The following SLC26A8 variants were observed in gnomAD, a reference collection of about 807,000 sequenced individuals.
SLC26A8 encodes testis anion transporter 1.
In SLC26A8, 70 loss-of-function variants were observed where a neutral mutation model predicts 105.0. The observed-to-expected ratio is 0.67, with a 90% confidence interval of 0.55 to 0.81. The LOEUF is 0.81. Ranked by LOEUF, SLC26A8 falls within the 40% of genes least tolerant of loss-of-function variation. The pLI is 0.00. For missense variants in SLC26A8, 998 were observed against 1,181.8 expected (o/e 0.84, Z 2.28); for synonymous variants, 415 against 438.3 (o/e 0.95, Z 0.66).
intron 17 of SLC26A8, among the ~76,000 whole-genome samples, chr6:35,952,452 T>C (rs1040629022): frequency 3.3e-5 from 5 of 152,142 alleles, no homozygotes; most frequent in Non-Finnish European, 7.3e-5. Context: ...GGGCAATAAA[T>C]CTTGAAGTTC....
chr6:35,968,905 A>G lies in SLC26A8; in HGVS notation c.1337T>C (p.Met446Thr). 6.2e-7 allele frequency: 1 copy of G among 1,611,358 alleles called. No individual in the cohort carries two copies. The highest frequency in any genetic ancestry group is 8.5e-7 in the Non-Finnish European group (1 of 1,179,152). ...TGGCAGTGTGTAGAAAAAGTGTCCC[A>G]TCTTCACCATCAGGAGCAGCATCAC... ...AGVMLLLMVKMGHFFYTLPNA... is the reference protein window; with the variant it reads ...AGVMLLLMVKTGHFFYTLPNA... Residue 446 changes from methionine (M) to threonine (T), a missense_variant, in exon 11 of 20, where the codon ATG (methionine) becomes ACG (threonine). Transcript: ENST00000490799.
chr6:35,996,944 A>G (rs575503991), intron 5 of SLC26A8, among the ~76,000 whole-genome samples: 166 of 152,128 alleles, frequency 1.1e-3, no homozygotes, highest in African/African-American at 3.6e-3. Context: ...CTGAGGCAGG[A>G]GAATCACTTG....
At chr6:35,949,652 G>T (rs1164840855) in intron 19 of SLC26A8, among the ~76,000 whole-genome samples, 2 of 151,902 alleles carry the variant, frequency 1.3e-5, no homozygotes, top group Admixed American at 6.6e-5. Context: ...AATATATCGA[G>T]TATCATAATT....
chr6:35,981,969 A>AG lies in SLC26A8; in HGVS notation c.1025+151dup. On this transcript the variant is annotated intron_variant, in intron 8 of 19. Coordinates refer to ENST00000490799, the MANE Select transcript of SLC26A8 (RefSeq NM_052961.4). This position sits in a 1 kb window ranked among gnomAD's most constrained non-coding sequence, Gnocchi z 4.0. ...AGAGAAGACACAAGGAGTTGTCCCT[A>AG]GCCCTTCTCCTTTCATGAACCTCTG... The AG allele has an allele frequency of 4.2e-6, 3 of 706,586 alleles. No homozygotes were observed. The highest frequency in any genetic ancestry group is 4.8e-6 in the Non-Finnish European group (2 of 416,462). The allele number at this position is 706,586 out of a possible 1,614,324, so 43.8% of individuals were successfully genotyped here.
chr6:36,016,347 G>C (rs1035293206), intron 2 of SLC26A8, among the ~76,000 whole-genome samples: 1 of 152,034 alleles, frequency 6.6e-6, no homozygotes, highest in Non-Finnish European at 1.5e-5. Flanking sequence ...ATAGTATTTG[G>C]GGACATATGT....
At position 35,977,344 on chromosome 6, in the gene SLC26A8, G is replaced by T. The variant is rs1282948053; in HGVS notation, c.1033C>A (p.Leu345Ile). 6.2e-7 allele frequency: 1 copy of T among 1,612,904 alleles called. No homozygotes were observed. The highest frequency in any genetic ancestry group is 8.5e-7 in the Non-Finnish European group (1 of 1,179,636). The change falls in exon 9 of 20, where the codon CTT becomes ATT. Residue 345 changes from leucine (L) to isoleucine (I), a missense_variant. Physicochemically the swap from Leu to Ile is conservative, Grantham distance 5. Transcript: ENST00000490799. ...LIDMIPYSFLLPVTPDFSLLP... is the reference protein window; with the variant it reads ...LIDMIPYSFLIPVTPDFSLLP... Reference sequence around the variant, plus strand: ...AGGCTGAAATCTGGTGTTACAGGAAGCAGAAAGCTGGAATAGAATAGTGGA... The same window carrying T: ...AGGCTGAAATCTGGTGTTACAGGAATCAGAAAGCTGGAATAGAATAGTGGA...
chr6:35,968,357 C>T (rs973210627), intron 11 of SLC26A8, among the ~76,000 whole-genome samples: 2 of 151,164 alleles, frequency 1.3e-5, no homozygotes, highest in Non-Finnish European at 2.9e-5. Flanking sequence ...GTTGGCCAGG[C>T]GGGTCTTGAA....
At chr6:36,018,673 C>T (rs575063975) in intron 2 of SLC26A8, among the ~76,000 whole-genome samples, 37 of 152,224 alleles carry the variant, frequency 2.4e-4, no homozygotes, top group African/African-American at 8.4e-4. Flanking sequence ...ATACATATTT[C>T]ACCACAATAA....
intron 3 of SLC26A8, among the ~76,000 whole-genome samples, chr6:36,008,857 A>C (rs549555292): frequency 6.6e-6 from 1 of 152,356 alleles, no homozygotes; most frequent in South Asian, 2.1e-4. Flanking sequence ...TAAAATAAAA[A>C]ATAGTGACAA....
chr6:35,978,197 T>C (rs1773119542), intron 8 of SLC26A8, among the ~76,000 whole-genome samples: 1 of 138,090 alleles, frequency 7.2e-6, no homozygotes, highest in African/African-American at 2.7e-5. Context: ...TAAACACAAA[T>C]GCAAAAATTC....
intron 3 of SLC26A8, among the ~76,000 whole-genome samples, chr6:36,001,212 T>C (rs549791445): frequency 2.6e-5 from 4 of 152,136 alleles, no homozygotes; most frequent in Middle Eastern, 3.4e-3. Flanking sequence ...CCCCGCGAGC[T>C]CCACCTTCTG....
rs1184419646 is a variant in SLC26A8, at chr6:36,004,074, C to CTT, written c.329-3968_329-3967dup. Among the ~76,000 whole-genome samples, 65 of 114,394 alleles carry CTT rather than the reference C, an allele frequency of 5.7e-4. 1 individual carries two copies. Among genetic ancestry groups the CTT allele is most frequent in the African/African-American group, 9.9e-4 (30 of 30,188 alleles). 75.0% of individuals were successfully genotyped at this position (114,394 alleles called of 152,430 possible). A position where few individuals can be genotyped will look rare whatever the true frequency, so the allele number is the denominator to read the frequency against. On this transcript the variant is annotated intron_variant, in intron 3 of 19. Transcript: ENST00000490799. ...TATACTGAACACAATTTTATTTCTGCTTTTTTTTTTTTTTTTTTTGAGACA... is the reference window on the plus strand; with the variant it reads ...TATACTGAACACAATTTTATTTCTGCTTTTTTTTTTTTTTTTTTTTTGAGACA...
intron 1 of SLC26A8, among the ~76,000 whole-genome samples, chr6:36,023,015 G>T (rs1356282645): frequency 6.6e-6 from 1 of 151,262 alleles, no homozygotes; most frequent in Non-Finnish European, 1.5e-5. Context: ...CAAAGAAGCT[G>T]TCCAGGTGAT....
intron 3 of SLC26A8, among the ~76,000 whole-genome samples, chr6:36,001,398 G>A (rs1167347045): frequency 6.6e-6 from 1 of 152,200 alleles, no homozygotes; most frequent in East Asian, 1.9e-4. Flanking sequence ...AAAGTGCTGG[G>A]ATTACAGGCG....
At chr6:35,963,035 T>A (rs1772377564) in intron 11 of SLC26A8, among the ~76,000 whole-genome samples, 1 of 152,180 alleles carries the variant, frequency 6.6e-6, no homozygotes, top group African/African-American at 2.4e-5. Context: ...CAGGCCAACG[T>A]CAAGGCCTGA....
At chr6:35,975,180 A>C (rs1772955324) in intron 10 of SLC26A8, among the ~76,000 whole-genome samples, 195 bp downstream of exon 10, 1 of 152,214 alleles carries the variant, frequency 6.6e-6, no homozygotes, top group Non-Finnish European at 1.5e-5. Context: ...CACATTGACA[A>C]GTAACTTTTA....
At chr6:35,997,199 C>G (rs1761379579) in intron 5 of SLC26A8, among the ~76,000 whole-genome samples, 1 of 152,108 alleles carries the variant, frequency 6.6e-6, no homozygotes, top group Non-Finnish European at 1.5e-5. Flanking sequence ...AGCAGGCAAG[C>G]AAGCATCACT....
chr6:36,020,902 C>A (rs943820930), intron 1 of SLC26A8, among the ~76,000 whole-genome samples: 2 of 152,124 alleles, frequency 1.3e-5, no homozygotes, highest in African/African-American at 4.8e-5. Context: ...TTTAATGTGT[C>A]AGCAACTTTG....
At chr6:35,976,264 A>G (rs1773018773) in intron 9 of SLC26A8, among the ~76,000 whole-genome samples, 1 of 151,682 alleles carries the variant, frequency 6.6e-6, no homozygotes, top group Non-Finnish European at 1.5e-5. Flanking sequence ...TCTCTACTAA[A>G]AATACAAAAA....
Sources: allele counts gnomAD v4.1 joint callset (sites outside exome capture counted in the v4.1 genomes callset), GRCh38; gene constraint gnomAD v4.1.1; non-coding constraint Gnocchi (gnomAD v3.1); transcripts MANE v1.5; gene names NCBI Gene and HGNC (gene_info 2026-07-23, HGNC 2026-07-21).